Variants in RIMS3 observed in about 807,000 individuals in gnomAD.
RIMS3 encodes regulating synaptic membrane exocytosis protein 3.
In RIMS3, 15 loss-of-function variants were observed where a neutral mutation model predicts 29.2. The observed-to-expected ratio is 0.51, with a 90% CI of 0.34 to 0.79. The LOEUF is 0.79. RIMS3 is among the 30% of genes least tolerant of loss of function. The pLI is 0.01. For synonymous variants in RIMS3, 161 were observed against 170.1 expected (o/e 0.95, Z 0.41); for missense variants, 342 against 421.4 (o/e 0.81, Z 1.65).
chr1:40,639,472 A>G (rs964984765), intron 3 of RIMS3, among the ~76,000 whole-genome samples: 1 of 152,310 alleles, frequency 6.6e-6, no homozygotes, highest in Non-Finnish European at 1.5e-5. Flanking sequence ...TTTTGGCTTT[A>G]TGGTACAATG....
At chr1:40,634,082 G>A (rs746247185) in intron 4 of RIMS3, among the ~76,000 whole-genome samples, 60 of 152,124 alleles carry the variant, frequency 3.9e-4, no homozygotes, top group Non-Finnish European at 7.1e-4. Context: ...GCTGAGAAAG[G>A]ACAGATGAGG....
At position 40,654,921 on chromosome 1, in the gene RIMS3, C is replaced by T. The variant is rs1642253498; in HGVS notation, c.-206-7079G>A. Among the ~76,000 whole-genome samples, 4 of 152,182 alleles carry T rather than the reference C, an allele frequency of 2.6e-5. No individual in the cohort carries two copies. The highest frequency in any genetic ancestry group is 2.0e-4 in the Admixed American group (3 of 15,284). ...CACCATGGACACACAAGCACACACC[C>T]CACACTCTACCCAGGCCCTCCATCC... On this transcript the variant is annotated intron_variant, in intron 1 of 7. Transcript: ENST00000372684. This position sits in a 1 kb window ranked among gnomAD's most constrained non-coding sequence, Gnocchi z 5.3.
chr1:40,688,802 T>C, the RIMS3 span, among the ~76,000 whole-genome samples: 2 of 152,226 alleles, frequency 1.3e-5, no homozygotes, highest in East Asian at 3.8e-4. Context: ...TGCCTTGTTT[T>C]GGGCTGCCAT....
At chr1:40,649,960 G>C (rs1460566261) in intron 1 of RIMS3, among the ~76,000 whole-genome samples, 1 of 151,964 alleles carries the variant, frequency 6.6e-6, no homozygotes, top group Admixed American at 6.5e-5. Context: ...TGAGGGGAGT[G>C]GGGTGCTGAA....
At chr1:40,647,596 TA>T (rs909643638) in intron 2 of RIMS3, 71 bp downstream of exon 2, 18 of 152,258 alleles carry the variant, frequency 1.2e-4, no homozygotes, top group African/African-American at 4.3e-4. Flanking sequence ...CTAAGTCCCC[TA>T]ACTCTCAGGT....
chr1:40,650,088 G>A (rs185998681), intron 1 of RIMS3, among the ~76,000 whole-genome samples: 208 of 152,308 alleles, frequency 1.4e-3, no homozygotes, highest in Non-Finnish European at 2.5e-3. Context: ...TGCAGGGGAT[G>A]GGGTGGTCGG....
At chr1:40,629,225 G>C (rs776248500) in intron 6 of RIMS3, 46 bp downstream of exon 6, 1 of 1,513,938 alleles carries the variant, frequency 6.6e-7, no homozygotes, top group Non-Finnish European at 9.2e-7. Flanking sequence ...CCAGAGCTCG[G>C]CTCTATGCCC....
At position 40,624,046 on chromosome 1, in the gene RIMS3, C is replaced by T. The variant is rs931717154; in HGVS notation, c.*2471G>A. On this transcript the variant is annotated 3_prime_UTR_variant, in exon 8 of 8. Transcript: ENST00000372684. ...CTGTAGGTAGGTCAGCCCAAGTTAC[C>T]AGCACATCAGACCCCTCCTCCAGCT... 1 of 152,282 alleles carries T rather than the reference C, an allele frequency of 6.6e-6. No homozygotes were observed. Among genetic ancestry groups the T allele is most frequent in the African/African-American group, 2.4e-5 (1 of 41,440 alleles). The allele number at this position is 152,282 out of a possible 1,614,324, so 9.4% of individuals were successfully genotyped here. A position where few individuals can be genotyped will look rare whatever the true frequency, so the allele number is the denominator to read the frequency against.
At chr1:40,657,714 T>C (rs1570201059) in intron 1 of RIMS3, among the ~76,000 whole-genome samples, 1 of 130,154 alleles carries the variant, frequency 7.7e-6, no homozygotes, top group African/African-American at 3.0e-5. Context: ...GCCATTGCAC[T>C]CCAGCCTGGG....
chr1:40,627,831 T>C (rs1646465075), intron 7 of RIMS3, among the ~76,000 whole-genome samples: 2 of 151,842 alleles, frequency 1.3e-5, no homozygotes, highest in South Asian at 2.1e-4. Flanking sequence ...TCTCAAACTC[T>C]TGGACTCAAG....
At chr1:40,641,671 C>G (rs1051208845) in intron 3 of RIMS3, 38 bp downstream of exon 3, 5 of 1,597,158 alleles carry the variant, frequency 3.1e-6, no homozygotes, top group Admixed American at 3.4e-5. Context: ...TGCGAAGTGT[C>G]CCCCACCTCT....
intron 2 of RIMS3, among the ~76,000 whole-genome samples, chr1:40,646,408 CAT>C (rs751743046): frequency 9.2e-5 from 14 of 152,152 alleles, no homozygotes; most frequent in Non-Finnish European, 1.5e-4. Context: ...CACCGTGTCA[CAT>C]GTTGGTGATT....
chr1:40,671,874 T>G, the RIMS3 span, among the ~76,000 whole-genome samples: 2 of 150,114 alleles, frequency 1.3e-5, no homozygotes, highest in East Asian at 4.0e-4. Context: ...GGGATTCTCC[T>G]ACCTCAGTCT....
In RIMS3 at chr1:40,641,586, G is replaced by A. The variant is rs1646557849; in HGVS notation, c.217+123C>T. On this transcript the variant is annotated intron_variant, in intron 3 of 7. Transcript: ENST00000372684. The stretch of plus-strand genomic sequence containing the variant: ...GACCTAGAACAGCACCTGGTGTATG[G>A]GAAGGGCCACAGTATAAGTGTCTGT... 8.7e-6 allele frequency: 8 copies of A among 920,346 alleles called. No individual in the cohort carries two copies. In the South Asian group the frequency reaches 1.3e-4, roughly 15 times the overall value. The allele number at this position is 920,346 out of a possible 1,614,324, so 57.0% of individuals were successfully genotyped here.
chr1:40,687,996 G>A, the RIMS3 span, among the ~76,000 whole-genome samples: 2 of 152,068 alleles, frequency 1.3e-5, no homozygotes, highest in Non-Finnish European at 2.9e-5. Flanking sequence ...ACAGAGTCTC[G>A]CTCTGTCACC....
At chr1:40,691,246 T>C in the RIMS3 span, 1 of 156,504 alleles carries the variant, frequency 6.4e-6, no homozygotes, top group East Asian at 1.9e-4. Context: ...TGGTGCTAAA[T>C]GCTCTTTTAT....
intron 5 of RIMS3, among the ~76,000 whole-genome samples, chr1:40,630,673 G>A (rs1260959771): frequency 6.6e-6 from 1 of 152,306 alleles, no homozygotes; most frequent in East Asian, 1.9e-4. Context: ...GGTGAGCAAG[G>A]CAAACCTGTC....
upstream of RIMS3, among the ~76,000 whole-genome samples, chr1:40,668,864 G>A (rs956131409): frequency 1.3e-5 from 2 of 152,306 alleles, no homozygotes; most frequent in East Asian, 1.9e-4. Context: ...AAGCCGAGAC[G>A]GGGACGAGCA....
the RIMS3 span, among the ~76,000 whole-genome samples, chr1:40,679,050 C>T: frequency 4.6e-5 from 7 of 152,240 alleles, no homozygotes; most frequent in African/African-American, 1.7e-4. Flanking sequence ...CCAAAGTGCA[C>T]TTGTTGCTAA....
Sources: gnomAD v4.1 joint callset for allele counts (sites outside exome capture counted in the v4.1 genomes callset) on GRCh38, gnomAD v4.1.1 for gene constraint, Gnocchi (gnomAD v3.1) non-coding constraint, MANE v1.5 for transcripts, NCBI Gene and HGNC (gene_info 2026-07-23, HGNC 2026-07-21) for gene names.